Variants in PITPNM2 observed in about 807,000 individuals in gnomAD.
PITPNM2 encodes phosphatidylinositol transfer protein membrane associated 2.
In PITPNM2, 35 loss-of-function variants were observed where a neutral mutation model predicts 132.2. That is an observed-to-expected ratio of 0.26 (90% CI 0.20 to 0.35). The LOEUF (loss-of-function observed/expected upper bound fraction) is 0.35. Ranked by LOEUF, PITPNM2 falls within the 10% of genes least tolerant of loss-of-function variation. PITPNM2 has a pLI of 1.00. For missense variants in PITPNM2, 1,332 were observed against 1,912.0 expected (o/e 0.70, Z 5.66); for synonymous variants, 738 against 799.2 (o/e 0.92, Z 1.29).
At chr12:123,128,351 A>G (rs1200747620) in intron 1 of PITPNM2, among the ~76,000 whole-genome samples, 1 of 132,380 alleles carries the variant, frequency 7.6e-6, no homozygotes, top group East Asian at 2.4e-4. Flanking sequence ...CTGAGGTGGG[A>G]GAATCACTTG....
chr12:122,988,183 G>A, intron 20 of PITPNM2, 51 bp downstream of exon 20: 1 of 1,462,604 alleles, frequency 6.8e-7, no homozygotes, highest in Admixed American at 1.7e-5. Flanking sequence ...GGACACGGAG[G>A]CTGGTGACAG....
rs2043386308 is a variant in PITPNM2, at chr12:123,136,558, G to T, written c.-200+14195C>A. 4.6e-5 allele frequency among the ~76,000 whole-genome samples: 7 copies of T among 152,054 alleles called. No individual in the cohort carries two copies. The South Asian group carries it at 1.5e-3, about 32-fold the overall frequency. On this transcript the variant is annotated intron_variant, in intron 1 of 25. Transcript: ENST00000320201. The stretch of plus-strand genomic sequence containing the variant: ...CACAAATGGCCTTAAAATTCTCAAA[G>T]CATGTTGAATGCAACTCCTCCTTAG...
chr12:123,098,482 A>G (rs916868832), intron 2 of PITPNM2, among the ~76,000 whole-genome samples: 6 of 152,176 alleles, frequency 3.9e-5, no homozygotes, highest in African/African-American at 1.4e-4. Context: ...TGGGAGGATC[A>G]CATGAGTTCA....
chr12:123,019,754 T>G (rs1243355255), intron 3 of PITPNM2, among the ~76,000 whole-genome samples: 1 of 152,098 alleles, frequency 6.6e-6, no homozygotes, highest in Non-Finnish European at 1.5e-5. Flanking sequence ...CTGGTCTGCT[T>G]TGGGAAGAAT....
chr12:123,136,072 G>A (rs2043374798), intron 1 of PITPNM2, among the ~76,000 whole-genome samples: 1 of 152,096 alleles, frequency 6.6e-6, no homozygotes, highest in African/African-American at 2.4e-5. Flanking sequence ...GGAGGCTGAG[G>A]CAGGTGGATC....
In PITPNM2 at chr12:122,986,472, C is replaced by T; in HGVS notation, c.3690G>A (p.Val1230=). 3 of 1,581,772 alleles carry T rather than the reference C, an allele frequency of 1.9e-6. No homozygotes were observed. The highest frequency in any genetic ancestry group is 2.3e-5 in the South Asian group (2 of 87,162). ...ISLSPMQIYI[V]GRPTKKLQQQ... ...GCTGCAGCTTCTTGGTGGGCCGGCC[C>T]ACGATGTAGATCTGCATGGGGGACA... is the stretch of plus-strand genomic sequence containing the variant. Residue 1230 remains valine (V), a synonymous_variant, in exon 25 of 26, where the codon GTG becomes GTA. Transcript: ENST00000320201.
intron 18 of PITPNM2, 146 bp from the exon 19 acceptor site, chr12:122,989,018 AGTG>A: frequency 1.0e-6 from 1 of 977,980 alleles, no homozygotes; most frequent in Non-Finnish European, 1.4e-6. Flanking sequence ...AGGCTGGGTG[AGTG>A]AGGCAAGCGG....
At position 122,997,388 on chromosome 12, in the gene PITPNM2, C is replaced by T. The variant is rs759367154; in HGVS notation, c.1409G>A (p.Arg470His). The T allele has an allele frequency of 2.1e-5, 34 of 1,613,436 alleles. No individual in the cohort carries two copies. The highest frequency in any genetic ancestry group is 6.7e-5 in the Admixed American group (4 of 60,026). ...MRVHYPSALG[R>H]LAIRLVPCPP... ...GCAGGGCACCAGGCGGATGGCAAGG[C>T]GGCCCAGGGCGCTGGGGTAGTGCAC... The change falls in exon 11 of 26, where the codon CGC (arginine) becomes CAC (histidine). Residue 470 changes from arginine to histidine, a missense_variant. Arg to His is a conservative substitution (Grantham distance 29). Transcript: ENST00000320201.
At chr12:123,080,941 G>T (rs1475612961) in intron 2 of PITPNM2, among the ~76,000 whole-genome samples, 1 of 152,246 alleles carries the variant, frequency 6.6e-6, no homozygotes, top group Non-Finnish European at 1.5e-5. Context: ...GCCCCAGGTG[G>T]CTACTAAGCA....
At chr12:123,127,947 A>G (rs796668901) in intron 1 of PITPNM2, among the ~76,000 whole-genome samples, 15 of 152,128 alleles carry the variant, frequency 9.9e-5, no homozygotes, top group African/African-American at 3.6e-4. Context: ...GCTTGAATCT[A>G]GAATAAAGAA....
Position 123,016,729 on chromosome 12 carries a change from G to A in PITPNM2, c.79-2687C>T, listed in dbSNP as rs548149296. Among the ~76,000 whole-genome samples, 23 of 152,272 alleles carry A rather than the reference G, an allele frequency of 1.5e-4. 1 individual carries two copies. In the South Asian group the frequency reaches 3.9e-3, roughly 26 times the overall value. On this transcript the variant is annotated intron_variant, in intron 3 of 25. Coordinates refer to ENST00000320201, the MANE Select transcript of PITPNM2 (RefSeq NM_020845.3). Reference sequence around the variant, plus strand: ...AACCCTATTGGTGGGAATATAAAATGGTGGGAATGTAAAACTGTTGAAAAT... The same window carrying A: ...AACCCTATTGGTGGGAATATAAAATAGTGGGAATGTAAAACTGTTGAAAAT...
chr12:123,004,609 A>T lies in PITPNM2; in HGVS notation c.953-120T>A. 1.1e-6 allele frequency: 1 copy of T among 895,854 alleles called. No homozygotes were observed. The highest frequency in any genetic ancestry group is 1.8e-6 in the Non-Finnish European group (1 of 549,848). 55.5% of individuals were successfully genotyped at this position (895,854 alleles called of 1,614,324 possible). On this transcript the variant is annotated intron_variant, in intron 7 of 25. Coordinates refer to ENST00000320201, the MANE Select transcript of PITPNM2 (RefSeq NM_020845.3). This position sits in a 1 kb window ranked among gnomAD's most constrained non-coding sequence, Gnocchi z 4.9. ...CCTGACAGGCATCACAGAGGCTGCCACAGGAGCCAGGAAGGTTCCGAAGAG... is the reference window on the plus strand; with the variant it reads ...CCTGACAGGCATCACAGAGGCTGCCTCAGGAGCCAGGAAGGTTCCGAAGAG...
In PITPNM2 at chr12:122,988,105, G is replaced by A. The variant is rs1405514542; in HGVS notation, c.2997+129C>T. The A allele has an allele frequency of 4.3e-6, 4 of 937,620 alleles. No individual in the cohort carries two copies. The Admixed American group carries it at 5.8e-5, about 14-fold the overall frequency. 58.1% of individuals were successfully genotyped at this position (937,620 alleles called of 1,614,324 possible). On this transcript the variant is annotated intron_variant, in intron 20 of 25. Coordinates refer to ENST00000320201, the MANE Select transcript of PITPNM2 (RefSeq NM_020845.3). The stretch of plus-strand genomic sequence containing the variant: ...TCCCTGTCTGTGAAGTGGGCTGACA[G>A]CTCCAACCTCATGGCCTGGGAAGGT...
Position 123,111,599 on chromosome 12 carries a change from T to G in PITPNM2, c.-199-1111A>C, listed in dbSNP as rs530061721. On this transcript the variant is annotated intron_variant, in intron 1 of 25. Coordinates refer to ENST00000320201, the MANE Select transcript of PITPNM2 (RefSeq NM_020845.3). The surrounding 1 kb of genome is among the most constrained non-coding windows in gnomAD (Gnocchi z 4.1). Reference sequence around the variant, plus strand: ...AATACACAGCAGTGGGAGGTGTGGCTGCAGGGAGCGGGCGGCTCTTCCAAC... The same window carrying G: ...AATACACAGCAGTGGGAGGTGTGGCGGCAGGGAGCGGGCGGCTCTTCCAAC... Among the ~76,000 whole-genome samples, 1 of 152,332 alleles carries G rather than the reference T, an allele frequency of 6.6e-6. No individual in the cohort carries two copies. The highest frequency in any genetic ancestry group is 1.9e-4 in the East Asian group (1 of 5,188).
At chr12:123,019,036 GGCCTCCCAAA>G (rs1566250912) in intron 3 of PITPNM2, among the ~76,000 whole-genome samples, 1 of 151,950 alleles carries the variant, frequency 6.6e-6, no homozygotes, top group Non-Finnish European at 1.5e-5. Flanking sequence ...CACCTGCCTC[GGCCTCCCAAA>G]GTGCTGGGAT....
chr12:122,995,949 C>T (rs1439439653), intron 13 of PITPNM2, among the ~76,000 whole-genome samples: 2 of 152,218 alleles, frequency 1.3e-5, no homozygotes, highest in Non-Finnish European at 2.9e-5. Flanking sequence ...GCCCGCAGTG[C>T]AGACCCTGGT....
At position 123,095,896 on chromosome 12, in the gene PITPNM2, C is replaced by A. The variant is rs997286631; in HGVS notation, c.-96+14489G>T. Among the ~76,000 whole-genome samples, 2 of 152,188 alleles carry A rather than the reference C, an allele frequency of 1.3e-5. No individual in the cohort carries two copies. Among genetic ancestry groups the A allele is most frequent in the Non-Finnish European group, 2.9e-5 (2 of 68,018 alleles). On this transcript the variant is annotated intron_variant, in intron 2 of 25. Transcript: ENST00000320201. This position sits in a 1 kb window ranked among gnomAD's most constrained non-coding sequence, Gnocchi z 5.0. ...ATGGGCTCCACGCCCCAGTGGCAGACCCCCCCAACCCCACTTCCACAAGGC... is the reference window on the plus strand; with the variant it reads ...ATGGGCTCCACGCCCCAGTGGCAGAACCCCCCAACCCCACTTCCACAAGGC...
chr12:123,020,094 TTTTTA>T, intron 3 of PITPNM2, among the ~76,000 whole-genome samples: 1 of 152,164 alleles, frequency 6.6e-6, no homozygotes, highest in Admixed American at 6.5e-5. Context: ...CACAAAAGTT[TTTTTA>T]TTTTTTTATT....
intron 3 of PITPNM2, among the ~76,000 whole-genome samples, chr12:123,029,825 G>GTC (rs764663394): frequency 1.8e-5 from 2 of 112,044 alleles, no homozygotes; most frequent in Non-Finnish European, 3.3e-5. Context: ...ACACATATGT[G>GTC]TCTGTGTGTG....
Sources: allele counts gnomAD v4.1 joint callset (sites outside exome capture counted in the v4.1 genomes callset), GRCh38; gene constraint gnomAD v4.1.1; non-coding constraint Gnocchi (gnomAD v3.1); transcripts MANE v1.5; gene names NCBI Gene and HGNC (gene_info 2026-07-23, HGNC 2026-07-21).